TYW3: variants seen among roughly 807,000 people sequenced by gnomAD.
TYW3 encodes tRNA wybutosine-synthesizing protein 3 homolog.
TYW3 carries 26 observed loss-of-function variants against 23.1 expected under a neutral mutation model. The ratio of observed to expected loss-of-function variants is 1.13; its 90% CI spans 0.83 to 1.56. TYW3 has a LOEUF of 1.56. Ranked by LOEUF, TYW3 falls within the 40% of genes most tolerant of loss-of-function variation. The probability of loss-of-function intolerance (pLI) is 0.00; values close to 1 mark genes in which losing one functional copy is unlikely to be tolerated. For synonymous variants in TYW3, 102 were observed against 105.7 expected, an observed-to-expected ratio of 0.97 and a Z score of 0.21; for missense variants, 316 against 311.9, an observed-to-expected ratio of 1.01 and a Z score of -0.10.
chr1:74,748,940 C>A, intron 4 of TYW3, 118 bp downstream of exon 4: 1 of 910,992 alleles, frequency 1.1e-6, no homozygotes. Flanking sequence ...CATTCTCTTA[C>A]TCATAAACCC....
chr1:74,750,911 G>A, intron 4 of TYW3: 1 of 146,338 alleles, frequency 6.8e-6, no homozygotes, highest in Non-Finnish European at 1.5e-5. Context: ...AGGTTCAAGT[G>A]ATTTTCCTGC....
chr1:74,740,008 C>T (rs1648295835), intron 3 of TYW3, among the ~76,000 whole-genome samples: 1 of 152,256 alleles, frequency 6.6e-6, no homozygotes, highest in East Asian at 1.9e-4. Context: ...CGCCTTTATC[C>T]AGATGGGGTG....
intron 3 of TYW3, among the ~76,000 whole-genome samples, chr1:74,744,789 T>C (rs1648499132): frequency 6.6e-6 from 1 of 152,176 alleles, no homozygotes; most frequent in South Asian, 2.1e-4. Flanking sequence ...CCTGCAGATG[T>C]TCAGATGTGT....
intron 5 of TYW3, among the ~76,000 whole-genome samples, chr1:74,753,776 G>C (rs1648866055): frequency 6.6e-6 from 1 of 152,038 alleles, no homozygotes; most frequent in Non-Finnish European, 1.5e-5. Context: ...CACCATTCAG[G>C]CTTTCTCAAC....
rs1433868539 is a variant in TYW3, at chr1:74,748,773, G to C, written c.377G>C (p.Gly126Ala). 6.2e-7 allele frequency: 1 copy of C among 1,614,072 alleles called. No individual in the cohort carries two copies. The highest frequency in any genetic ancestry group is 1.7e-5 in the Admixed American group (1 of 60,018). The part of the protein sequence containing the change: ...QILHSMAIDS[G>A]FRNSGITVGK... ...CAGCATTCCATGGCAATAGATTCTG[G>C]TTTCAGGAACTCTGGCATAACGGTG... The change falls in exon 4 of 6, where the codon GGT (glycine) becomes GCT (alanine). Residue 126 changes from glycine to alanine, a missense_variant. Gly to Ala is a moderately conservative substitution (Grantham distance 60). Transcript: ENST00000370867.
At chr1:74,740,814 G>A (rs774723557) in intron 3 of TYW3, among the ~76,000 whole-genome samples, 7 of 151,992 alleles carry the variant, frequency 4.6e-5, no homozygotes, top group South Asian at 4.2e-4. Context: ...TAATTGGTGC[G>A]TTTTTACAGA....
intron 3 of TYW3, 99 bp from the exon 4 acceptor site, chr1:74,748,652 T>A: frequency 2.4e-6 from 3 of 1,249,690 alleles, no homozygotes; most frequent in Non-Finnish European, 3.4e-6. Flanking sequence ...AAAACCTTAA[T>A]AGCTTTTAGG....
At chr1:74,760,402 C>T (rs916693957) in intron 5 of TYW3, among the ~76,000 whole-genome samples, 23 of 152,248 alleles carry the variant, frequency 1.5e-4, no homozygotes, top group African/African-American at 5.3e-4. Flanking sequence ...TAATATAAAG[C>T]GAAAACATAT....
rs1205441809 is a variant in TYW3 at position 74,764,563 on chromosome 1, A to G, written c.*450A>G. ...ATTAGCATTATAGTTGATATGCCAG[A>G]AATTATATCTTTGGTTGTGATTTAA... On this transcript the variant is annotated 3_prime_UTR_variant, in exon 6 of 6. Transcript: ENST00000370867. The G allele has an allele frequency of 6.5e-6, 1 of 153,028 alleles. No individual in the cohort carries two copies. Among genetic ancestry groups the G allele is most frequent in the African/African-American group, 2.4e-5 (1 of 41,480 alleles). 9.5% of individuals were successfully genotyped at this position (153,028 alleles called of 1,614,324 possible).
chr1:74,738,537 A>G (rs1225064701), intron 2 of TYW3, among the ~76,000 whole-genome samples, 153 bp from the exon 3 acceptor site: 1 of 152,208 alleles, frequency 6.6e-6, no homozygotes, highest in Admixed American at 6.5e-5. Flanking sequence ...TTGGTGAAAA[A>G]GGACCAAGAA....
Position 74,764,004 on chromosome 1 carries a change from C to G in TYW3, c.671C>G (p.Pro224Arg). 6.2e-7 allele frequency: 1 copy of G among 1,610,978 alleles called. No homozygotes were observed. The highest frequency in any genetic ancestry group is 8.5e-7 in the Non-Finnish European group (1 of 1,179,130). Residue 224 changes from proline to arginine, a missense_variant, in exon 6 of 6, where the codon CCA becomes CGA. By Grantham distance (103) the Pro-to-Arg change is moderately radical (BLOSUM62 -2). Coordinates refer to ENST00000370867, the MANE Select transcript of TYW3 (RefSeq NM_138467.3). The stretch of plus-strand genomic sequence containing the variant: ...TATATTCATAAGAAAAAAAGAAACC[C>G]AGAAAAAACACGTGCCCAGTGTATT... ...SSYIHKKKRNPEKTRAQCITK... is the reference protein window; with the variant it reads ...SSYIHKKKRNREKTRAQCITK...
chr1:74,733,468 C>T (rs277373), intron 1 of TYW3, 50 bp downstream of exon 1: 1,602,831 of 1,604,080 alleles, frequency 1, 800,797 homozygotes, highest in East Asian at 1. Flanking sequence ...TGCGAAACTT[C>T]AGGAGCCCTG....
intron 5 of TYW3, among the ~76,000 whole-genome samples, 158 bp from the exon 6 acceptor site, chr1:74,763,736 C>T (rs1649203745): frequency 6.6e-6 from 1 of 152,032 alleles, no homozygotes; most frequent in African/African-American, 2.4e-5. Flanking sequence ...AACTGAAATG[C>T]ATTTATTTCC....
intron 3 of TYW3, among the ~76,000 whole-genome samples, chr1:74,740,007 C>G (rs767925875): frequency 6.6e-6 from 1 of 152,182 alleles, no homozygotes; most frequent in African/African-American, 2.4e-5. Context: ...TCGCCTTTAT[C>G]CAGATGGGGT....
In TYW3 at chr1:74,733,241, AC is replaced by A; in HGVS notation, c.-1del. The A allele has an allele frequency of 6.2e-7, 1 of 1,613,822 alleles. No homozygotes were observed. Among genetic ancestry groups the A allele is most frequent in the Non-Finnish European group, 8.5e-7 (1 of 1,179,854 alleles). On this transcript the variant is annotated 5_prime_UTR_variant, in exon 1 of 6. Coordinates refer to ENST00000370867, the MANE Select transcript of TYW3 (RefSeq NM_138467.3). ...GCCGAGCGCAGACCCTGAGTCCGTC[AC>A]CCATGGATCGCAGCGCGGAGTTCAG... is the stretch of plus-strand genomic sequence containing the variant.
chr1:74,747,592 C>G (rs1262063352), intron 3 of TYW3, among the ~76,000 whole-genome samples: 1 of 148,356 alleles, frequency 6.7e-6, no homozygotes, highest in Non-Finnish European at 1.5e-5. Context: ...AGCCGAGATC[C>G]CGCCACTGCA....
At chr1:74,763,021 AT>A (rs1649178855) in intron 5 of TYW3, among the ~76,000 whole-genome samples, 1 of 152,196 alleles carries the variant, frequency 6.6e-6, no homozygotes, top group African/African-American at 2.4e-5. Context: ...GAAACATTGT[AT>A]TTTACTTACA....
At chr1:74,756,498 G>A (rs554845185) in intron 5 of TYW3, among the ~76,000 whole-genome samples, 105 of 152,260 alleles carry the variant, frequency 6.9e-4, no homozygotes, top group Middle Eastern at 6.8e-3. Context: ...CCCTGCCCTC[G>A]AGACTTGTGG....
chr1:74,748,646 C>T, intron 3 of TYW3, 105 bp from the exon 4 acceptor site: 1 of 1,209,296 alleles, frequency 8.3e-7, no homozygotes, highest in Non-Finnish European at 1.2e-6. Context: ...TTTTTAAAAA[C>T]CTTAATAGCT....
Sources: gnomAD v4.1 joint callset for allele counts (sites outside exome capture counted in the v4.1 genomes callset) on GRCh38, gnomAD v4.1.1 for gene constraint, MANE v1.5 for transcripts, NCBI Gene and HGNC (gene_info 2026-07-23, HGNC 2026-07-21) for gene names.